Variants in ASTN2 observed in about 807,000 individuals in gnomAD.
ASTN2 encodes the protein astrotactin 2.
Under a neutral mutation model 139.8 loss-of-function variants are expected in ASTN2, and 54 were observed. The observed-to-expected ratio is 0.39, with a 90% CI of 0.31 to 0.48. The LOEUF (loss-of-function observed/expected upper bound fraction) is 0.48, where lower values mean the gene tolerates loss of function less well. Ranked by LOEUF, ASTN2 falls within the 20% of genes least tolerant of loss-of-function variation. The probability of loss-of-function intolerance (pLI) is 0.95; values close to 1 mark genes in which losing one functional copy is unlikely to be tolerated. For missense variants in ASTN2, 1,565 were observed against 1,725.1 expected, an observed-to-expected ratio of 0.91 and a Z score of 1.64; for synonymous variants, 756 against 719.5, an observed-to-expected ratio of 1.05 and a Z score of -0.81.
intron 13 of ASTN2, among the ~76,000 whole-genome samples, chr9:116,804,742 C>T (rs1830985102): frequency 1.3e-5 from 2 of 152,024 alleles, no homozygotes; most frequent in South Asian, 4.1e-4. Context: ...CTAGTTCTGA[C>T]TTTTATTGAT....
intron 2 of ASTN2, among the ~76,000 whole-genome samples, chr9:117,230,914 C>G (rs1030182687): frequency 6.6e-6 from 1 of 152,236 alleles, no homozygotes; most frequent in South Asian, 2.1e-4. Context: ...TAAGACAGAG[C>G]TTGTGTATCT....
chr9:116,589,142 T>A (rs1051858687), intron 19 of ASTN2, among the ~76,000 whole-genome samples: 2 of 152,214 alleles, frequency 1.3e-5, no homozygotes, highest in Admixed American at 1.3e-4. Flanking sequence ...GGGAACCTTC[T>A]GGCTGTAGTT....
chr9:117,332,525 C>T (rs185938661), intron 1 of ASTN2, among the ~76,000 whole-genome samples: 1 of 152,238 alleles, frequency 6.6e-6, no homozygotes, highest in East Asian at 1.9e-4. Context: ...AAGATTGCAC[C>T]ACTATACTTC....
At chr9:117,020,533 T>A (rs532494072) in intron 6 of ASTN2, among the ~76,000 whole-genome samples, 72 of 152,200 alleles carry the variant, frequency 4.7e-4, no homozygotes, top group African/African-American at 1.7e-3. Flanking sequence ...TACTCATTTA[T>A]CTTCCTTCCC....
chr9:116,441,283 C>G (rs966105435), intron 21 of ASTN2, among the ~76,000 whole-genome samples: 2 of 151,898 alleles, frequency 1.3e-5, no homozygotes, highest in African/African-American at 4.8e-5. Flanking sequence ...TTGTTCATGG[C>G]TATTCCTACT....
At chr9:116,725,694 C>A (rs1828600919) in intron 16 of ASTN2, 77 bp downstream of exon 16, 3 of 1,438,676 alleles carry the variant, frequency 2.1e-6, no homozygotes, top group Admixed American at 4.0e-5. Flanking sequence ...AGATCCAAGG[C>A]AGCTCAGTTG....
chr9:117,120,020 A>G (rs11792338), intron 4 of ASTN2, among the ~76,000 whole-genome samples: 10,703 of 33,138 alleles, frequency 0.32, 601 homozygotes, highest in Non-Finnish European at 0.43. Context: ...GTGTGTGTGT[A>G]TATATATATA....
intron 10 of ASTN2, among the ~76,000 whole-genome samples, chr9:116,865,765 G>A (rs1027063094): frequency 5.9e-5 from 9 of 152,162 alleles, no homozygotes; most frequent in African/African-American, 2.2e-4. Context: ...GTACCTGCAG[G>A]CACCTCTCTC....
chr9:117,176,317 A>G (rs991728666), intron 3 of ASTN2, among the ~76,000 whole-genome samples: 2 of 152,154 alleles, frequency 1.3e-5, no homozygotes, highest in Admixed American at 1.3e-4. Context: ...GATACCATAT[A>G]TAAAGTAAAA....
intron 2 of ASTN2, among the ~76,000 whole-genome samples, chr9:117,266,583 T>A (rs922539126): frequency 6.6e-6 from 1 of 152,178 alleles, no homozygotes; most frequent in Non-Finnish European, 1.5e-5. Flanking sequence ...GCATGGTACG[T>A]CCCTTTTCTC....
In ASTN2 at chr9:117,314,559, T is replaced by C. The variant is rs1052021494; in HGVS notation, c.443-23046A>G. On this transcript the variant is annotated intron_variant, in intron 1 of 22. Coordinates refer to ENST00000313400, the MANE Select transcript of ASTN2 (RefSeq NM_001365068.1). Reference sequence around the variant, plus strand: ...GGTTATATATTATCATATTATATTATATTATATATCATAAAACACATATTA... The same window carrying C: ...GGTTATATATTATCATATTATATTACATTATATATCATAAAACACATATTA... Among the ~76,000 whole-genome samples, 4 of 148,474 alleles carry C rather than the reference T, an allele frequency of 2.7e-5. No homozygotes were observed. In the East Asian group the frequency reaches 5.8e-4, roughly 22 times the overall value.
chr9:116,943,120 A>G (rs569116320), intron 10 of ASTN2, among the ~76,000 whole-genome samples: 1 of 152,228 alleles, frequency 6.6e-6, no homozygotes, highest in Non-Finnish European at 1.5e-5. Flanking sequence ...GGATAAAAAG[A>G]TGAATAAGGC....
chr9:116,894,112 A>T, intron 10 of ASTN2, among the ~76,000 whole-genome samples: 1 of 152,176 alleles, frequency 6.6e-6, no homozygotes, highest in East Asian at 1.9e-4. Flanking sequence ...GCACAAGCAC[A>T]GGTTAGAGGG....
intron 13 of ASTN2, among the ~76,000 whole-genome samples, chr9:116,768,172 A>G (rs148523651): frequency 2.0e-5 from 3 of 152,198 alleles, no homozygotes; most frequent in Admixed American, 2.0e-4. Flanking sequence ...TTCTTCTTTG[A>G]AAAAGAGTTA....
chr9:116,620,734 A>G (rs1261730150), intron 17 of ASTN2, among the ~76,000 whole-genome samples: 1 of 150,824 alleles, frequency 6.6e-6, no homozygotes, highest in African/African-American at 2.4e-5. Flanking sequence ...AATCTTCACA[A>G]CAACCTCACA....
chr9:117,012,307 C>T (rs1426567224), intron 6 of ASTN2, among the ~76,000 whole-genome samples: 1 of 152,122 alleles, frequency 6.6e-6, no homozygotes, highest in Admixed American at 6.5e-5. Flanking sequence ...CTCTTATTCA[C>T]CCAATGGGCT....
intron 3 of ASTN2, among the ~76,000 whole-genome samples, chr9:117,191,529 G>A (rs1831348707): frequency 6.6e-6 from 1 of 152,162 alleles, no homozygotes; most frequent in Admixed American, 6.5e-5. Context: ...ATAAAATAAG[G>A]ACTGATCATA....
chr9:116,830,159 A>C (rs1831763813), intron 11 of ASTN2, among the ~76,000 whole-genome samples: 1 of 152,236 alleles, frequency 6.6e-6, no homozygotes, highest in Non-Finnish European at 1.5e-5. Context: ...ACCCCATTAA[A>C]AATTGGGCAA....
chr9:117,321,077 T>C (rs1284401627), intron 1 of ASTN2, among the ~76,000 whole-genome samples: 1 of 152,152 alleles, frequency 6.6e-6, no homozygotes, highest in Non-Finnish European at 1.5e-5. Flanking sequence ...CACAGTGTTG[T>C]CCACTACAGA....
Sources: allele counts gnomAD v4.1 joint callset (sites outside exome capture counted in the v4.1 genomes callset), GRCh38; gene constraint gnomAD v4.1.1; transcripts MANE v1.5; gene names NCBI Gene and HGNC (gene_info 2026-07-23, HGNC 2026-07-21).